Variants in LDLRAD3 observed in about 807,000 individuals in gnomAD.
LDLRAD3 encodes low-density lipoprotein receptor class A domain-containing protein 3.
In LDLRAD3, 20 loss-of-function variants were observed where a neutral mutation model predicts 29.4. The ratio of observed to expected loss-of-function variants is 0.68; its 90% confidence interval spans 0.48 to 0.99. The LOEUF (loss-of-function observed/expected upper bound fraction) is 0.99, where lower values mean the gene tolerates loss of function less well. Among genes scored for constraint, LDLRAD3 ranks in the 50% least tolerant of loss-of-function variants. The probability of loss-of-function intolerance (pLI) is 0.00; values close to 1 mark genes in which losing one functional copy is unlikely to be tolerated. For synonymous variants in LDLRAD3, 157 were observed against 192.7 expected (o/e 0.81, Z 1.53); for missense variants, 420 against 454.3 (o/e 0.92, Z 0.69).
chr11:36,141,761 G>A (rs1854090422), intron 4 of LDLRAD3, among the ~76,000 whole-genome samples: 1 of 152,140 alleles, frequency 6.6e-6, no homozygotes, highest in Non-Finnish European at 1.5e-5. Flanking sequence ...CAGACAAGCA[G>A]GCTCTGAATG....
chr11:35,948,841 G>T (rs528840898), intron 1 of LDLRAD3, among the ~76,000 whole-genome samples: 1 of 152,164 alleles, frequency 6.6e-6, no homozygotes, highest in South Asian at 2.1e-4. Flanking sequence ...GTGCATTGCG[G>T]GATGGTCACA....
chr11:36,055,811 A>G (rs955811485), intron 2 of LDLRAD3, among the ~76,000 whole-genome samples: 1 of 152,162 alleles, frequency 6.6e-6, no homozygotes, highest in Non-Finnish European at 1.5e-5. Context: ...CACCCTTACA[A>G]CTACAGACCT....
At chr11:36,008,537 G>A (rs1401271869) in intron 1 of LDLRAD3, among the ~76,000 whole-genome samples, 1 of 152,122 alleles carries the variant, frequency 6.6e-6, no homozygotes, top group Admixed American at 6.6e-5. Flanking sequence ...TGGGTTTGTC[G>A]ATACACAGGC....
intron 4 of LDLRAD3, among the ~76,000 whole-genome samples, chr11:36,168,389 CAACGTG>C (rs1361988625): frequency 6.6e-6 from 1 of 151,424 alleles, no homozygotes. Context: ...GTTAGACCAA[CAACGTG>C]AACTGTCAAG....
At chr11:36,034,912 C>T (rs575623521) in intron 1 of LDLRAD3, among the ~76,000 whole-genome samples, 15 of 152,328 alleles carry the variant, frequency 9.8e-5, no homozygotes, top group African/African-American at 3.4e-4. Context: ...TGTTAGGGAT[C>T]TGGAAATCTA....
intron 4 of LDLRAD3, among the ~76,000 whole-genome samples, chr11:36,145,388 G>A (rs1590306744): frequency 9.8e-6 from 1 of 101,700 alleles, no homozygotes. Flanking sequence ...AGGTGGGGGG[G>A]TCAGCCCCCC....
rs1332011477 is a variant in LDLRAD3, at chr11:36,229,742, G to T, written c.*345G>T. On this transcript the variant is annotated 3_prime_UTR_variant, in exon 6 of 6. Coordinates refer to ENST00000315571, the MANE Select transcript of LDLRAD3 (RefSeq NM_174902.4). ...AGAGCAATGTTTCTGTGCTATATTG[G>T]ATGCTCAGAAGTGCAGGAGACGCTG... 1 of 231,892 alleles carries T rather than the reference G, an allele frequency of 4.3e-6. No homozygotes were observed. The allele number at this position is 231,892 out of a possible 1,614,324, so 14.4% of individuals were successfully genotyped here. A position where few individuals can be genotyped will look rare whatever the true frequency, so the allele number is the denominator to read the frequency against.
At chr11:36,112,189 C>T (rs1853615803) in intron 4 of LDLRAD3, among the ~76,000 whole-genome samples, 1 of 152,138 alleles carries the variant, frequency 6.6e-6, no homozygotes, top group African/African-American at 2.4e-5. Context: ...AACATTATTC[C>T]TGGATTTTCA....
intron 1 of LDLRAD3, among the ~76,000 whole-genome samples, chr11:35,974,272 T>G (rs73448423): frequency 0.11 from 17,067 of 152,166 alleles, 2,968 homozygotes; most frequent in African/African-American, 0.37. Context: ...AATTTATGGT[T>G]ATATCATGTG....
chr11:36,023,312 T>G (rs1006764763), intron 1 of LDLRAD3, among the ~76,000 whole-genome samples: 1 of 152,126 alleles, frequency 6.6e-6, no homozygotes, highest in East Asian at 1.9e-4. Flanking sequence ...GGGAGGTAGG[T>G]GTGATTCCCG....
At chr11:35,986,442 A>G (rs1041905364) in intron 1 of LDLRAD3, among the ~76,000 whole-genome samples, 2 of 152,198 alleles carry the variant, frequency 1.3e-5, no homozygotes, top group Non-Finnish European at 2.9e-5. Flanking sequence ...ATTTATTGTG[A>G]TATGCTTATG....
intron 1 of LDLRAD3, among the ~76,000 whole-genome samples, chr11:35,963,037 T>G (rs1851296970): frequency 6.6e-6 from 1 of 152,212 alleles, no homozygotes; most frequent in Non-Finnish European, 1.5e-5. Flanking sequence ...AGTAGAGTTA[T>G]ATGGTGACAG....
intron 1 of LDLRAD3, among the ~76,000 whole-genome samples, chr11:35,975,451 A>G (rs186278753): frequency 8.1e-4 from 124 of 152,336 alleles, no homozygotes; most frequent in African/African-American, 2.8e-3. Flanking sequence ...ATCTGGAAGA[A>G]GGATGGAAAT....
At chr11:36,148,765 G>A (rs1354199022) in intron 4 of LDLRAD3, among the ~76,000 whole-genome samples, 1 of 152,166 alleles carries the variant, frequency 6.6e-6, no homozygotes, top group East Asian at 1.9e-4. Flanking sequence ...AAGGTCTGAG[G>A]GACATGGTGC....
intron 4 of LDLRAD3, among the ~76,000 whole-genome samples, chr11:36,105,370 G>A (rs1400644267): frequency 6.6e-6 from 1 of 152,048 alleles, no homozygotes; most frequent in African/African-American, 2.4e-5. Flanking sequence ...CCTGTGCCAG[G>A]CCCCTGGCTG....
At chr11:36,158,543 T>G (rs1226309205) in intron 4 of LDLRAD3, among the ~76,000 whole-genome samples, 2 of 147,578 alleles carry the variant, frequency 1.4e-5, no homozygotes, top group East Asian at 4.1e-4. Context: ...TTTTTTTTTT[T>G]GCCACAGCAT....
At chr11:36,133,635 G>A (rs1054813829) in intron 4 of LDLRAD3, among the ~76,000 whole-genome samples, 8 of 146,202 alleles carry the variant, frequency 5.5e-5, no homozygotes, top group African/African-American at 1.3e-4. Flanking sequence ...CTGGGTTCAC[G>A]CCATTCTCCT....
At chr11:36,022,412 C>T (rs1343185339) in intron 1 of LDLRAD3, among the ~76,000 whole-genome samples, 1 of 151,748 alleles carries the variant, frequency 6.6e-6, no homozygotes, top group Non-Finnish European at 1.5e-5. Context: ...TCAGAAGCTT[C>T]TACTGAATTT....
intron 4 of LDLRAD3, chr11:36,102,040 C>T (rs1004904622): frequency 5.3e-5 from 10 of 189,138 alleles, no homozygotes; most frequent in African/African-American, 1.7e-4. Flanking sequence ...AGGCGCCCGC[C>T]ACTACGCCTG....
Sources: gnomAD v4.1 joint callset for allele counts (sites outside exome capture counted in the v4.1 genomes callset) on GRCh38, gnomAD v4.1.1 for gene constraint, MANE v1.5 for transcripts, NCBI Gene and HGNC (gene_info 2026-07-23, HGNC 2026-07-21) for gene names.